Variants in RBMS3 observed in about 807,000 individuals in gnomAD.
RBMS3 encodes RNA binding motif single stranded interacting protein 3.
A neutral mutation model predicts 66.8 loss-of-function variants in RBMS3; 27 were observed. The ratio of observed to expected loss-of-function variants is 0.40; its 90% CI spans 0.30 to 0.56. The LOEUF (loss-of-function observed/expected upper bound fraction) is 0.56, where lower values mean the gene tolerates loss of function less well. Among genes scored for constraint, RBMS3 ranks in the 20% least tolerant of loss-of-function variants. The pLI, the probability that RBMS3 is intolerant of heterozygous loss-of-function variation, is 0.40. For missense variants in RBMS3, 513 were observed against 549.5 expected, an observed-to-expected ratio of 0.93 and a Z score of 0.66; for synonymous variants, 188 against 183.0, an observed-to-expected ratio of 1.03 and a Z score of -0.22.
intron 5 of RBMS3, among the ~76,000 whole-genome samples, chr3:29,758,152 C>T (rs1284142294): frequency 2.0e-5 from 3 of 152,164 alleles, no homozygotes; most frequent in Non-Finnish European, 4.4e-5. Flanking sequence ...AAAACAACTT[C>T]TTGAAGTAAT....
At chr3:29,542,606 C>G (rs35903) in intron 3 of RBMS3, among the ~76,000 whole-genome samples, 49,439 of 152,050 alleles carry the variant, frequency 0.33, 8,478 homozygotes, top group Middle Eastern at 0.45. Flanking sequence ...GGTGATCTGC[C>G]TGCCTTGGCC....
intron 4 of RBMS3, among the ~76,000 whole-genome samples, chr3:29,681,816 T>C (rs1441226578): frequency 6.6e-6 from 1 of 152,156 alleles, no homozygotes; most frequent in Non-Finnish European, 1.5e-5. Flanking sequence ...AATGAACACA[T>C]GCATGCATGT....
At chr3:29,902,309 A>C (rs1193641617) in intron 10 of RBMS3, among the ~76,000 whole-genome samples, 3 of 151,936 alleles carry the variant, frequency 2.0e-5, no homozygotes, top group Non-Finnish European at 2.9e-5. Flanking sequence ...TTATTTAATT[A>C]TATTAGTAGA....
intron 1 of RBMS3, among the ~76,000 whole-genome samples, chr3:29,284,749 G>T (rs562219783): frequency 3.3e-5 from 5 of 151,722 alleles, no homozygotes; most frequent in Non-Finnish European, 5.9e-5. Context: ...TGAAAACCCA[G>T]TGGCTGACTC....
chr3:29,762,149 T>C (rs1390565566), intron 5 of RBMS3, among the ~76,000 whole-genome samples: 1 of 152,102 alleles, frequency 6.6e-6, no homozygotes, highest in African/African-American at 2.4e-5. Context: ...GGCACAAGAA[T>C]ACCAGTTTAG....
chr3:29,983,115 G>A lies in RBMS3; in HGVS notation c.1099-5028G>A, dbSNP rs181703252. ...CATGTATTGGGTGCATATATATTTAGGATAATTAGCTCTTCTTGTTGTATT... is the reference window on the plus strand; with the variant it reads ...CATGTATTGGGTGCATATATATTTAAGATAATTAGCTCTTCTTGTTGTATT... On this transcript the variant is annotated intron_variant, in intron 12 of 14. Transcript: ENST00000383767. 1.8e-4 allele frequency among the ~76,000 whole-genome samples: 28 copies of A among 152,194 alleles called. 1 individual carries two copies. The highest frequency in any genetic ancestry group is 1.1e-3 in the Admixed American group (17 of 15,292).
At chr3:29,503,027 T>C (rs2053286) in intron 3 of RBMS3, among the ~76,000 whole-genome samples, 20,051 of 152,128 alleles carry the variant, frequency 0.13, 1,967 homozygotes, top group African/African-American at 0.27. Flanking sequence ...ACTTACCCAG[T>C]CTCTTTTCTT....
intron 1 of RBMS3, among the ~76,000 whole-genome samples, chr3:29,337,405 G>A (rs1390870537): frequency 6.6e-6 from 1 of 152,056 alleles, no homozygotes; most frequent in East Asian, 1.9e-4. Flanking sequence ...TTGGGATCCA[G>A]GGGTGGGAGG....
At chr3:29,650,517 T>C (rs1288733146) in intron 4 of RBMS3, among the ~76,000 whole-genome samples, 4 of 152,154 alleles carry the variant, frequency 2.6e-5, no homozygotes, top group Non-Finnish European at 4.4e-5. Context: ...GGTCTCACAC[T>C]CCTGGGCTCA....
At chr3:29,831,455 A>G (rs1279095131) in intron 6 of RBMS3, among the ~76,000 whole-genome samples, 4 of 152,130 alleles carry the variant, frequency 2.6e-5, no homozygotes, top group East Asian at 1.9e-4. Flanking sequence ...TTCTGAATTT[A>G]TGTCTCAAAA....
intron 8 of RBMS3, among the ~76,000 whole-genome samples, chr3:29,896,885 C>A (rs1269134786): frequency 6.6e-6 from 1 of 151,586 alleles, no homozygotes; most frequent in Admixed American, 6.6e-5. Context: ...TACAAATTGT[C>A]CTGTTGCTTC....
chr3:29,823,756 C>T (rs2058133640), intron 6 of RBMS3, among the ~76,000 whole-genome samples: 1 of 152,116 alleles, frequency 6.6e-6, no homozygotes, highest in Non-Finnish European at 1.5e-5. Context: ...TAGGTGAACA[C>T]ATGTGCTTAT....
intron 2 of RBMS3, among the ~76,000 whole-genome samples, chr3:29,436,158 G>T (rs570231022): frequency 6.6e-6 from 1 of 152,090 alleles, no homozygotes; most frequent in Non-Finnish European, 1.5e-5. Context: ...AAGCCATGAG[G>T]ATATTTATTT....
chr3:29,527,534 C>G (rs1377668317), intron 3 of RBMS3, among the ~76,000 whole-genome samples: 1 of 152,172 alleles, frequency 6.6e-6, no homozygotes, highest in Non-Finnish European at 1.5e-5. Context: ...ATGTAAAAGT[C>G]TGCTGTACAC....
chr3:29,625,725 TAA>T (rs1409726924), intron 4 of RBMS3, among the ~76,000 whole-genome samples: 9 of 149,656 alleles, frequency 6.0e-5, no homozygotes, highest in African/African-American at 1.0e-4. Flanking sequence ...AATAAATAAA[TAA>T]ATAAATAAAT....
intron 4 of RBMS3, among the ~76,000 whole-genome samples, chr3:29,654,150 C>T (rs568495572): frequency 4.6e-5 from 7 of 152,094 alleles, no homozygotes; most frequent in Admixed American, 3.3e-4. Context: ...ATAGACAGAA[C>T]GTTGAAATGA....
intron 6 of RBMS3, among the ~76,000 whole-genome samples, chr3:29,864,038 G>C (rs150620927): frequency 6.6e-6 from 1 of 152,208 alleles, no homozygotes; most frequent in Non-Finnish European, 1.5e-5. Context: ...AAAAGGTAGA[G>C]ATGGTCTCTT....
At chr3:29,825,541 T>C (rs542259697) in intron 6 of RBMS3, among the ~76,000 whole-genome samples, 2 of 152,144 alleles carry the variant, frequency 1.3e-5, no homozygotes, top group African/African-American at 4.8e-5. Flanking sequence ...CTAGATCTGA[T>C]GGTTTTATAA....
At chr3:29,371,741 A>C (rs1319381566) in intron 1 of RBMS3, among the ~76,000 whole-genome samples, 1 of 152,136 alleles carries the variant, frequency 6.6e-6, no homozygotes. Flanking sequence ...TAAGTTTCTC[A>C]AGAAAGGTCC....
Sources: gnomAD v4.1 joint callset for allele counts (sites outside exome capture counted in the v4.1 genomes callset) on GRCh38, gnomAD v4.1.1 for gene constraint, MANE v1.5 for transcripts, NCBI Gene and HGNC (gene_info 2026-07-23, HGNC 2026-07-21) for gene names.